The following RPS6KA2 variants were observed in gnomAD, a reference collection of about 807,000 sequenced individuals.
RPS6KA2 encodes the protein ribosomal protein S6 kinase A2.
Under a neutral mutation model 91.8 loss-of-function variants are expected in RPS6KA2, and 42 were observed. The ratio of observed to expected loss-of-function variants is 0.46; its 90% CI spans 0.36 to 0.59. The LOEUF is 0.59. RPS6KA2 is among the 20% of genes least tolerant of loss of function. The pLI, the probability that RPS6KA2 is intolerant of heterozygous loss-of-function variation, is 0.00. For missense variants in RPS6KA2, 798 were observed against 978.5 expected, an observed-to-expected ratio of 0.82 and a Z score of 2.46; for synonymous variants, 414 against 393.6, an observed-to-expected ratio of 1.05 and a Z score of -0.61.
intron 2 of RPS6KA2, among the ~76,000 whole-genome samples, chr6:166,808,653 C>A (rs995601425): frequency 9.2e-5 from 14 of 152,072 alleles, no homozygotes; most frequent in African/African-American, 1.9e-4. Flanking sequence ...TCAGTATTGA[C>A]CATATTTACA....
chr6:166,608,162 T>A (rs1786022251), intron 1 of RPS6KA2, among the ~76,000 whole-genome samples: 1 of 152,174 alleles, frequency 6.6e-6, no homozygotes, highest in Non-Finnish European at 1.5e-5. Context: ...TCACAAAGAC[T>A]CCCAGGAGGC....
chr6:166,627,229 C>T lies in RPS6KA2; in HGVS notation c.-210G>A, dbSNP rs527476081. ...GGGGCCACAATCGCTCCCTCCGCCT[C>T]CTTCTCCGCCTCCCCTGCGAGTACC... On this transcript the variant is annotated 5_prime_UTR_variant, in exon 1 of 21. Coordinates refer to ENST00000265678, the MANE Select transcript of RPS6KA2 (RefSeq NM_021135.6). 2.0e-6 allele frequency: 2 copies of T among 1,024,278 alleles called. No individual in the cohort carries two copies. Among genetic ancestry groups the T allele is most frequent in the Non-Finnish European group, 1.2e-6 (1 of 856,186 alleles). The allele number at this position is 1,024,278 out of a possible 1,614,324, so 63.4% of individuals were successfully genotyped here. A position where few individuals can be genotyped will look rare whatever the true frequency, so the allele number is the denominator to read the frequency against.
intron 16 of RPS6KA2, 112 bp downstream of exon 16, chr6:166,430,341 G>A (rs1779078854): frequency 5.2e-6 from 5 of 957,336 alleles, no homozygotes; most frequent in Admixed American, 2.4e-5. Flanking sequence ...GGCACGGAAG[G>A]AATTCCAGGA....
chr6:166,690,193 TG>T (rs1448351622), intron 2 of RPS6KA2, among the ~76,000 whole-genome samples: 1 of 152,094 alleles, frequency 6.6e-6, no homozygotes, highest in African/African-American at 2.4e-5. Context: ...CACCCAGCAT[TG>T]GGGTGACGGG....
intron 2 of RPS6KA2, among the ~76,000 whole-genome samples, chr6:166,803,709 T>A (rs918339102): frequency 2.6e-5 from 4 of 152,232 alleles, no homozygotes; most frequent in African/African-American, 9.6e-5. Context: ...GAGACTGATT[T>A]TGTGCCTGTG....
intron 10 of RPS6KA2, among the ~76,000 whole-genome samples, chr6:166,477,396 C>T (rs1781018795): frequency 6.6e-6 from 1 of 152,134 alleles, no homozygotes; most frequent in Non-Finnish European, 1.5e-5. Context: ...CCATCTTTCT[C>T]TCATCCATAA....
At chr6:166,661,712 T>C (rs1290726193) in intron 2 of RPS6KA2, among the ~76,000 whole-genome samples, 2 of 152,184 alleles carry the variant, frequency 1.3e-5, no homozygotes, top group Non-Finnish European at 2.9e-5. Context: ...TCAAATCGAA[T>C]AGCTTCTTTT....
chr6:166,755,632 G>A (rs530640194), intron 2 of RPS6KA2, among the ~76,000 whole-genome samples: 1 of 152,244 alleles, frequency 6.6e-6, no homozygotes, highest in African/African-American at 2.4e-5. Context: ...CTGCGCTCCG[G>A]CCCAGCTTCC....
intron 10 of RPS6KA2, among the ~76,000 whole-genome samples, chr6:166,483,599 T>C (rs1371301312): frequency 6.6e-6 from 1 of 152,274 alleles, no homozygotes; most frequent in African/African-American, 2.4e-5. Flanking sequence ...TTTTTTCCTC[T>C]TTTTAAGATT....
rs192674492 is a variant in RPS6KA2 at position 166,716,374 on chromosome 6, C to A, written c.123+141826G>T. ...AGGCCAGGGTCTCGAGTTGCCGGAG[C>A]CTGTCCCGGCAGCTCAGCCTGTCCT... is the stretch of plus-strand genomic sequence containing the variant. On this transcript the variant is annotated intron_variant, in intron 2 of 21. Transcript: ENST00000503859. 7.7e-4 allele frequency among the ~76,000 whole-genome samples: 117 copies of A among 152,310 alleles called. 1 individual carries two copies. The highest frequency in any genetic ancestry group is 2.6e-3 in the African/African-American group (110 of 41,566).
At chr6:166,757,437 C>T (rs1367754296) in intron 2 of RPS6KA2, 3 of 448,782 alleles carry the variant, frequency 6.7e-6, no homozygotes, top group South Asian at 4.7e-5. Flanking sequence ...CCCCTGGCCG[C>T]CCAAGCTCTG....
chr6:166,587,315 G>C (rs1445432991), intron 1 of RPS6KA2, among the ~76,000 whole-genome samples: 1 of 152,196 alleles, frequency 6.6e-6, no homozygotes, highest in Non-Finnish European at 1.5e-5. Context: ...GCACAGACTA[G>C]AGATTCGTAT....
rs556725791 is a variant in RPS6KA2, at chr6:166,797,360, T to C, written c.123+60840A>G. ...TGACATATAGTTGATCCTTGAACAG[T>C]GCAAGAGTTAGGGACACCCAGCTCC... On this transcript the variant is annotated intron_variant, in intron 2 of 21. Coordinates refer to the RPS6KA2 transcript ENST00000503859. 5.1e-4 allele frequency among the ~76,000 whole-genome samples: 78 copies of C among 152,016 alleles called. 2 individuals are homozygous for C. The South Asian group carries it at 0.016, about 32-fold the overall frequency.
In RPS6KA2 at chr6:166,662,419, CTT is replaced by C. The variant is rs1256232945; in HGVS notation, c.124-123637_124-123636del. On this transcript the variant is annotated intron_variant, in intron 2 of 21. Transcript: ENST00000503859. This position sits in a 1 kb window ranked among gnomAD's most constrained non-coding sequence, Gnocchi z 4.3. ...GAAAACTTACTCCAAATTACAGACACTTTAGATATCTGCTTTCTTTGGGGACG... is the reference window on the plus strand; with the variant it reads ...GAAAACTTACTCCAAATTACAGACACTAGATATCTGCTTTCTTTGGGGACG... Among the ~76,000 whole-genome samples, 5 of 152,168 alleles carry C rather than the reference CTT, an allele frequency of 3.3e-5. No individual in the cohort carries two copies. The highest frequency in any genetic ancestry group is 1.2e-4 in the African/African-American group (5 of 41,418).
intron 2 of RPS6KA2, among the ~76,000 whole-genome samples, chr6:166,762,936 T>C (rs561184260): frequency 6.6e-6 from 1 of 152,392 alleles, no homozygotes; most frequent in South Asian, 2.1e-4. Context: ...GCTGCAAGCA[T>C]GAATAAAGTT....
intron 2 of RPS6KA2, among the ~76,000 whole-genome samples, chr6:166,829,714 A>T (rs1780135492): frequency 6.6e-6 from 1 of 152,062 alleles, no homozygotes; most frequent in Non-Finnish European, 1.5e-5. Flanking sequence ...GACTCACAGT[A>T]CTCTGAAGAT....
At chr6:166,704,607 G>A (rs1486463729) in intron 2 of RPS6KA2, among the ~76,000 whole-genome samples, 6 of 152,214 alleles carry the variant, frequency 3.9e-5, no homozygotes, top group Non-Finnish European at 8.8e-5. Context: ...TCGGCCCCAG[G>A]TTTCTTCTGC....
In RPS6KA2 at chr6:166,459,395, C is replaced by G. The variant is rs1366230183; in HGVS notation, c.1075+54G>C. The G allele has an allele frequency of 1.8e-6, 2 of 1,085,046 alleles. No homozygotes were observed. Among genetic ancestry groups the G allele is most frequent in the Non-Finnish European group, 2.8e-6 (2 of 710,068 alleles). The allele number at this position is 1,085,046 out of a possible 1,614,324, so 67.2% of individuals were successfully genotyped here. A position where few individuals can be genotyped will look rare whatever the true frequency, so the allele number is the denominator to read the frequency against. On this transcript the variant is annotated intron_variant, in intron 12 of 20. Coordinates refer to ENST00000265678, the MANE Select transcript of RPS6KA2 (RefSeq NM_021135.6). The surrounding 1 kb of genome is among the most constrained non-coding windows in gnomAD (Gnocchi z 4.9). Reference sequence around the variant, plus strand: ...ATTTCTTGTTCCTAGATATCTGTCTCTAAGGGGTCAGGTGGGAGAAGCCAC... The same window carrying G: ...ATTTCTTGTTCCTAGATATCTGTCTGTAAGGGGTCAGGTGGGAGAAGCCAC...
At chr6:166,592,228 A>G (rs1218742624) in intron 1 of RPS6KA2, among the ~76,000 whole-genome samples, 1 of 152,184 alleles carries the variant, frequency 6.6e-6, no homozygotes, top group African/African-American at 2.4e-5. Flanking sequence ...CAACAGGATA[A>G]TGAATTCTCT....
Sources: allele counts gnomAD v4.1 joint callset (sites outside exome capture counted in the v4.1 genomes callset), GRCh38; gene constraint gnomAD v4.1.1; non-coding constraint Gnocchi (gnomAD v3.1); transcripts MANE v1.5; gene names NCBI Gene and HGNC (gene_info 2026-07-23, HGNC 2026-07-21).